Variants in TRPM5 observed in about 807,000 individuals in gnomAD.
TRPM5 encodes transient receptor potential cation channel subfamily M member 5, also known as MLSN1 and TRP-related.
TRPM5 carries 121 observed loss-of-function variants against 124.9 expected under a neutral mutation model. That is an observed-to-expected ratio of 0.97 (90% CI 0.84 to 1.13). TRPM5 has a LOEUF of 1.13. Ranked by LOEUF, TRPM5 falls within the 50% of genes most tolerant of loss-of-function variation. The probability of loss-of-function intolerance (pLI) is 0.00; values close to 1 mark genes in which losing one functional copy is unlikely to be tolerated. For missense variants in TRPM5, 1,643 were observed against 1,589.1 expected, an observed-to-expected ratio of 1.03 and a Z score of -0.58; for synonymous variants, 781 against 700.5, an observed-to-expected ratio of 1.11 and a Z score of -1.81.
the TRPM5 span, among the ~76,000 whole-genome samples, chr11:2,442,569 C>T: frequency 6.6e-6 from 1 of 152,042 alleles, no homozygotes; most frequent in African/African-American, 2.4e-5. This position sits in a 1 kb window ranked among gnomAD's most constrained non-coding sequence, Gnocchi z 5.9. Flanking sequence ...GCTGTTTTGA[C>T]TATCATTATG....
chr11:2,406,584 C>T, intron 21 of TRPM5, 77 bp downstream of exon 26: 1 of 1,518,954 alleles, frequency 6.6e-7, no homozygotes, highest in Non-Finnish European at 8.9e-7. Context: ...CTCAGATCCT[C>T]TGTCACTGGC....
exon 10 of TRPM5, chr11:2,414,923 G>A (rs1378025171): frequency 6.2e-7 from 1 of 1,607,154 alleles, no homozygotes; most frequent in Admixed American, 1.7e-5. Flanking sequence ...CCAGAAGTAG[G>A]TGGCCATCTC....
In TRPM5 at chr11:2,405,990, C is replaced by G. The variant is rs563201671; in HGVS notation, c.3324+29G>C. 6 of 1,592,618 alleles carry G rather than the reference C, an allele frequency of 3.8e-6. No homozygotes were observed. The Admixed American group carries it at 8.3e-5, about 22-fold the overall frequency. Reference sequence around the variant, plus strand: ...CCCCACGCAGCCACCCGCCTCCCATCAGGGAGAGGAGCTCTGGGGCTCGCT... The same window carrying G: ...CCCCACGCAGCCACCCGCCTCCCATGAGGGAGAGGAGCTCTGGGGCTCGCT... On this transcript the variant is annotated intron_variant, in intron 22 of 23. Transcript: ENST00000155858.
chr11:2,407,103 TTGTG>T lies in TRPM5; in HGVS notation c.3118+12_3118+15del. ...CTCGGCCTCACCCAGGTGCTCCCGC[TTGTG>T]CTCGGCCTCACCCAGGTGCTCCCGC... is the stretch of plus-strand genomic sequence containing the variant. On this transcript the variant is annotated intron_variant, in intron 20 of 23. Transcript: ENST00000155858. The T allele has an allele frequency of 9.5e-7, 1 of 1,053,534 alleles. No individual in the cohort carries two copies. 65.3% of individuals were successfully genotyped at this position (1,053,534 alleles called of 1,614,324 possible).
At chr11:2,432,888 G>A in the TRPM5 span, among the ~76,000 whole-genome samples, 1 of 152,344 alleles carries the variant, frequency 6.6e-6, no homozygotes, top group African/African-American at 2.4e-5. Context: ...TGACCCCTCG[G>A]GGGGCAGCCC....
At chr11:2,404,586 C>T (rs761241997) in exon 24 of TRPM5, 22 of 265,572 alleles carry the variant, frequency 8.3e-5, no homozygotes, top group African/African-American at 1.1e-4. Context: ...CCCAGAGCAG[C>T]TTCGCAGTCT....
chr11:2,420,774 G>T (rs551938379), intron 3 of TRPM5, among the ~76,000 whole-genome samples: 1 of 152,322 alleles, frequency 6.6e-6, no homozygotes, highest in East Asian at 1.9e-4. Context: ...GGGGACGGAA[G>T]CTGCTTGCCC....
the TRPM5 span, among the ~76,000 whole-genome samples, chr11:2,441,300 TG>T: frequency 3.3e-5 from 5 of 152,270 alleles, no homozygotes; most frequent in South Asian, 8.3e-4. The surrounding 1 kb of genome is among the most constrained non-coding windows in gnomAD (Gnocchi z 7.2). Flanking sequence ...CCTCAGCTGA[TG>T]GGGGCCCTCC....
chr11:2,405,734 G>C (rs762354509), intron 22 of TRPM5, 141 bp from the exon 28 acceptor site: 3 of 967,110 alleles, frequency 3.1e-6, no homozygotes, highest in Non-Finnish European at 4.7e-6. Flanking sequence ...CTCACAGGCA[G>C]GGGTGAGTGA....
upstream of TRPM5, among the ~76,000 whole-genome samples, chr11:2,423,255 C>T (rs933147018): frequency 1.3e-5 from 2 of 152,184 alleles, no homozygotes; most frequent in Admixed American, 6.5e-5. Flanking sequence ...CTCCGACACT[C>T]GCTGTAGCAC....
the TRPM5 span, among the ~76,000 whole-genome samples, chr11:2,432,721 C>T: frequency 6.6e-6 from 1 of 152,374 alleles, no homozygotes; most frequent in East Asian, 1.9e-4. Context: ...AAACCACCAC[C>T]CAGAGTAGGG....
chr11:2,429,983 C>T, the TRPM5 span, among the ~76,000 whole-genome samples: 1 of 151,520 alleles, frequency 6.6e-6, no homozygotes. This position sits in a 1 kb window ranked among gnomAD's most constrained non-coding sequence, Gnocchi z 8.4. Flanking sequence ...GCCTCTAAGT[C>T]TATGGAGTTG....
At chr11:2,404,090 G>A (rs935121500), downstream of TRPM5, among the ~76,000 whole-genome samples, 5 of 152,218 alleles carry the variant, frequency 3.3e-5, no homozygotes, top group Non-Finnish European at 7.3e-5. Flanking sequence ...CCCTCAATGG[G>A]CCTGAGTGGG....
chr11:2,414,009 G>GTCCCC, intron 12 of TRPM5, 52 bp downstream of exon 17: 2 of 1,023,732 alleles, frequency 2.0e-6, no homozygotes, highest in Non-Finnish European at 2.9e-6. Context: ...GGCCCAGCTC[G>GTCCCC]CCCGCCCACC....
chr11:2,424,822 C>T (rs1845823741), upstream of TRPM5, among the ~76,000 whole-genome samples: 1 of 152,228 alleles, frequency 6.6e-6, no homozygotes, highest in South Asian at 2.1e-4. Flanking sequence ...TGCCCAGGGC[C>T]CCCCTGTGAG....
At chr11:2,428,981 C>T in the TRPM5 span, among the ~76,000 whole-genome samples, 1 of 144,806 alleles carries the variant, frequency 6.9e-6, no homozygotes, top group African/African-American at 2.6e-5. This position sits in a 1 kb window ranked among gnomAD's most constrained non-coding sequence, Gnocchi z 4.0. Context: ...GTGGTAGTGA[C>T]AATGGTGACA....
At chr11:2,420,625 C>T (rs952757952) in intron 3 of TRPM5, among the ~76,000 whole-genome samples, 3 of 152,188 alleles carry the variant, frequency 2.0e-5, no homozygotes, top group African/African-American at 7.2e-5. Flanking sequence ...CGGTGGGGAG[C>T]GGGTTCTTTT....
rs754088531 is a variant in TRPM5, at chr11:2,411,502, A to G, written c.2632T>C (p.Phe878Leu). 7.5e-6 allele frequency: 12 copies of G among 1,609,496 alleles called. No homozygotes were observed. The highest frequency in any genetic ancestry group is 9.3e-6 in the Non-Finnish European group (11 of 1,177,648). ...GCCACGAGCCACACGCTCAGAAAGA[A>G]GAGGAAGAAGAAGACGTCCTTCATC... Residue 878 changes from phenylalanine (F) to leucine (L), a missense_variant, in exon 18 of 24, where the codon TTC (phenylalanine) becomes CTC (leucine). Transcript: ENST00000155858.
chr11:2,441,952 G>A, the TRPM5 span, among the ~76,000 whole-genome samples: 5 of 152,132 alleles, frequency 3.3e-5, no homozygotes, highest in African/African-American at 1.2e-4. The surrounding 1 kb of genome is among the most constrained non-coding windows in gnomAD (Gnocchi z 7.2). Context: ...GCCTCCCAAA[G>A]TGCTGGGATT....
Sources: allele counts gnomAD v4.1 joint callset (sites outside exome capture counted in the v4.1 genomes callset), GRCh38; gene constraint gnomAD v4.1.1; non-coding constraint Gnocchi (gnomAD v3.1); transcripts MANE v1.5; gene names NCBI Gene and HGNC (gene_info 2026-07-23, HGNC 2026-07-21).